The following EPHX1 variants were observed in gnomAD, a reference collection of about 807,000 sequenced individuals.
EPHX1 encodes the protein epoxide hydratase.
In EPHX1, 40 loss-of-function variants were observed where a neutral mutation model predicts 43.2. That is an observed-to-expected ratio of 0.93 (90% CI 0.72 to 1.21). The LOEUF (loss-of-function observed/expected upper bound fraction) is 1.21. EPHX1 is among the 50% of genes most tolerant of loss of function. EPHX1 has a pLI of 0.00. For missense variants in EPHX1, 550 were observed against 570.4 expected (o/e 0.96, Z 0.36); for synonymous variants, 221 against 226.7 (o/e 0.98, Z 0.22).
At chr1:225,831,664 C>T in intron 2 of EPHX1, 115 bp from the exon 3 acceptor site, 1 of 1,028,344 alleles carries the variant, frequency 9.7e-7, no homozygotes, top group South Asian at 1.3e-5. Flanking sequence ...CTTGCCACTC[C>T]CAGAGGGCAG....
chr1:225,829,033 G>T (rs1321342626), intron 2 of EPHX1, 121 bp downstream of exon 2: 5 of 1,211,470 alleles, frequency 4.1e-6, no homozygotes, highest in Middle Eastern at 2.7e-4. Flanking sequence ...CATCCTACTT[G>T]GGAGTGTGTT....
At position 225,810,179 on chromosome 1, in the gene EPHX1, C is replaced by T. The variant is rs1309076470; in HGVS notation, c.-6+10C>T. On this transcript the variant is annotated intron_variant, in intron 1 of 8. Coordinates refer to ENST00000272167, the MANE Select transcript of EPHX1 (RefSeq NM_001136018.4). ...CCTGCGAGCCGAGACCGTAAGCGCC[C>T]GGGGCCGGCCGGGCCCGCACTCCCC... The T allele has an allele frequency of 1.3e-5, 2 of 151,464 alleles. No homozygotes were observed. The highest frequency in any genetic ancestry group is 6.6e-5 in the Admixed American group (1 of 15,210). The allele number at this position is 151,464 out of a possible 1,614,324, so 9.4% of individuals were successfully genotyped here. A position where few individuals can be genotyped will look rare whatever the true frequency, so the allele number is the denominator to read the frequency against.
Position 225,815,254 on chromosome 1 carries a change from G to GTT in EPHX1, c.-6+5093_-6+5094dup, listed in dbSNP as rs544480405. Among the ~76,000 whole-genome samples, 5 of 133,172 alleles carry GTT rather than the reference G, an allele frequency of 3.8e-5. 1 individual carries two copies. The highest frequency in any genetic ancestry group is 5.2e-5 in the African/African-American group (2 of 38,328). 87.4% of individuals were successfully genotyped at this position (133,172 alleles called of 152,430 possible). A position where few individuals can be genotyped will look rare whatever the true frequency, so the allele number is the denominator to read the frequency against. Reference sequence around the variant, plus strand: ...GTCAGGACATCGTTGTTTTTGTCTTGTTTTTTTTTGAGACAGGGTCTGGCT... The same window carrying GTT: ...GTCAGGACATCGTTGTTTTTGTCTTGTTTTTTTTTTTGAGACAGGGTCTGGCT... On this transcript the variant is annotated intron_variant, in intron 1 of 8. Transcript: ENST00000272167.
intron 1 of EPHX1, chr1:225,810,489 G>A (rs1666422197): frequency 6.6e-6 from 1 of 151,902 alleles, no homozygotes; most frequent in Non-Finnish European, 1.5e-5. Flanking sequence ...CGCGTCCCCT[G>A]GCCTGGGCGA....
chr1:225,838,830 A>C lies in EPHX1; in HGVS notation c.541A>C (p.Ile181Leu). The C allele has an allele frequency of 6.2e-7, 1 of 1,614,166 alleles. No homozygotes were observed. The highest frequency in any genetic ancestry group is 1.1e-5 in the South Asian group (1 of 91,086). ...GLSDEHVFEV[I>L]CPSIPGYGFS... ...GAGCGATGAGCACGTTTTTGAAGTC[A>C]TCTGCCCTTCCATCCCTGGCTATGG... is the stretch of plus-strand genomic sequence containing the variant. The change falls in exon 4 of 9, where the codon ATC becomes CTC. Residue 181 changes from isoleucine (I) to leucine (L), a missense_variant. Transcript: ENST00000272167.
At chr1:225,844,357 G>A (rs946551380) in intron 7 of EPHX1, 141 bp from the exon 8 acceptor site, 27 of 1,326,684 alleles carry the variant, frequency 2.0e-5, no homozygotes, top group African/African-American at 4.3e-5. Flanking sequence ...CCTGTGACAC[G>A]AGGATACCAC....
At chr1:225,843,337 T>C (rs2102781677) in intron 7 of EPHX1, among the ~76,000 whole-genome samples, 1 of 152,190 alleles carries the variant, frequency 6.6e-6, no homozygotes, top group South Asian at 2.1e-4. Flanking sequence ...GCAATAAAAA[T>C]GCAAGGAAAG....
Position 225,831,944 on chromosome 1 carries a change from A to C in EPHX1, c.349A>C (p.Lys117Gln), listed in dbSNP as rs1667629091. The change falls in exon 3 of 9, where the codon AAG becomes CAG. Residue 117 changes from lysine (K) to glutamine (Q), a missense_variant. Coordinates refer to ENST00000272167, the MANE Select transcript of EPHX1 (RefSeq NM_001136018.4). Reference protein sequence around the residue: ...VEILNRYPHFKTKIEGLDIHF... With the variant: ...VEILNRYPHFQTKIEGLDIHF... ...GATTCTCAACAGATACCCTCACTTC[A>C]AGACTAAGATTGAAGGTATGTTTGC... is the stretch of plus-strand genomic sequence containing the variant. 6.8e-6 allele frequency: 11 copies of C among 1,614,010 alleles called. No individual in the cohort carries two copies. The highest frequency in any genetic ancestry group is 1.3e-5 in the African/African-American group (1 of 74,900).
intron 2 of EPHX1, 134 bp downstream of exon 2, chr1:225,829,046 A>G (rs567440333): frequency 1.8e-6 from 2 of 1,103,868 alleles, no homozygotes; most frequent in East Asian, 2.6e-5. Flanking sequence ...AGTGTGTTTC[A>G]GTCTGCTTTT....
chr1:225,840,081 G>A (rs775946803), intron 6 of EPHX1, 44 bp downstream of exon 6: 1 of 1,603,782 alleles, frequency 6.2e-7, no homozygotes, highest in Non-Finnish European at 8.5e-7. Flanking sequence ...GCTCCACTGG[G>A]GCAGGGAGAC....
At chr1:225,826,059 A>G (rs191271705) in intron 1 of EPHX1, among the ~76,000 whole-genome samples, 224 of 152,306 alleles carry the variant, frequency 1.5e-3, no homozygotes, top group Admixed American at 3.2e-3. Context: ...ACTCATTTCC[A>G]GGTATTCCCT....
rs193214280 is a variant in EPHX1 at position 225,830,957 on chromosome 1, G to A, written c.184-822G>A. On this transcript the variant is annotated intron_variant, in intron 2 of 8. Coordinates refer to ENST00000272167, the MANE Select transcript of EPHX1 (RefSeq NM_001136018.4). ...CAAAAGAAGAATAATAGTTTGTGAC[G>A]TGAAAATTATATAGCAGTCAGATTT... is the stretch of plus-strand genomic sequence containing the variant. Among the ~76,000 whole-genome samples, 8 of 152,304 alleles carry A rather than the reference G, an allele frequency of 5.3e-5. No individual in the cohort carries two copies. The East Asian group carries it at 9.6e-4, about 18-fold the overall frequency.
intron 3 of EPHX1, among the ~76,000 whole-genome samples, chr1:225,837,183 A>C (rs553436999): frequency 6.6e-6 from 1 of 152,250 alleles, no homozygotes; most frequent in East Asian, 1.9e-4. Context: ...GTGGGATTAC[A>C]TGTGAGTCTT....
Position 225,839,743 on chromosome 1 carries a change from C to G in EPHX1, c.723-86C>G, listed in dbSNP as rs1258657543. ...CTGGCTCTGTGCTCGCTCCTCAGCC[C>G]TGAGGCCTGTTCCTCCGCCATCTCT... is the stretch of plus-strand genomic sequence containing the variant. On this transcript the variant is annotated intron_variant, in intron 5 of 8. Transcript: ENST00000272167. 16 of 1,422,796 alleles carry G rather than the reference C, an allele frequency of 1.1e-5. No individual in the cohort carries two copies. The East Asian group carries it at 3.6e-4, about 32-fold the overall frequency. The allele number at this position is 1,422,796 out of a possible 1,614,324, so 88.1% of individuals were successfully genotyped here.
rs761427126 is a variant in EPHX1, at chr1:225,839,889, C to T, written c.783C>T (p.Thr261=). ...TTTTAAGCAACTTCTCTACCCTGACCCTCCTCCTGGGACAGCGTTTCGGGA... is the reference window on the plus strand; with the variant it reads ...TTTTAAGCAACTTCTCTACCCTGACTCTCCTCCTGGGACAGCGTTTCGGGA... The part of the protein sequence containing the change: ...ALVLSNFSTL[T]LLLGQRFGRF... The change falls in exon 6 of 9, where the codon ACC becomes ACT. Residue 261 remains threonine, a synonymous_variant. Coordinates refer to ENST00000272167, the MANE Select transcript of EPHX1 (RefSeq NM_001136018.4). The T allele has an allele frequency of 7.4e-6, 12 of 1,614,094 alleles. No homozygotes were observed. In the African/African-American group the frequency reaches 1.5e-4, roughly 20 times the overall value.
chr1:225,813,546 A>G (rs1298917569), intron 1 of EPHX1, among the ~76,000 whole-genome samples: 1 of 152,202 alleles, frequency 6.6e-6, no homozygotes, highest in Non-Finnish European at 1.5e-5. Context: ...GCGCAATCCA[A>G]TCCTCCGTTA....
chr1:225,838,321 G>A (rs772487800), intron 3 of EPHX1, among the ~76,000 whole-genome samples: 12 of 152,184 alleles, frequency 7.9e-5, no homozygotes, highest in Non-Finnish European at 1.3e-4. Flanking sequence ...ATGGAGGCCT[G>A]CTGTGAGCCA....
intron 1 of EPHX1, among the ~76,000 whole-genome samples, chr1:225,818,076 C>T (rs756413517): frequency 1.3e-5 from 2 of 152,028 alleles, no homozygotes; most frequent in Non-Finnish European, 2.9e-5. Flanking sequence ...GGTCAGGGGG[C>T]GTTATAGTGC....
intron 1 of EPHX1, among the ~76,000 whole-genome samples, chr1:225,823,018 G>A (rs1029286433): frequency 6.6e-6 from 1 of 152,068 alleles, no homozygotes; most frequent in African/African-American, 2.4e-5. Flanking sequence ...AGGGATTTAG[G>A]GGAAGAGGAA....
Sources: allele counts gnomAD v4.1 joint callset (sites outside exome capture counted in the v4.1 genomes callset), GRCh38; gene constraint gnomAD v4.1.1; transcripts MANE v1.5; gene names NCBI Gene and HGNC (gene_info 2026-07-23, HGNC 2026-07-21).